Variants in CDCP1 observed in about 807,000 individuals in gnomAD.
CDCP1 encodes the protein CUB domain containing protein 1.
In CDCP1, 29 loss-of-function variants were observed where a neutral mutation model predicts 60.2. The ratio of observed to expected loss-of-function variants is 0.48; its 90% CI spans 0.36 to 0.66. The LOEUF (loss-of-function observed/expected upper bound fraction) is 0.66, where lower values mean the gene tolerates loss of function less well. Ranked by LOEUF, CDCP1 falls within the 30% of genes least tolerant of loss-of-function variation. CDCP1 has a pLI of 0.00. For missense variants in CDCP1, 876 were observed against 1,074.3 expected, an observed-to-expected ratio of 0.82 and a Z score of 2.58; for synonymous variants, 387 against 431.1, an observed-to-expected ratio of 0.90 and a Z score of 1.27.
intron 1 of CDCP1, among the ~76,000 whole-genome samples, chr3:45,119,117 A>T (rs1431611543): frequency 6.6e-6 from 1 of 152,198 alleles, no homozygotes; most frequent in Non-Finnish European, 1.5e-5. Context: ...ATACATATGT[A>T]TGTACGTATG....
chr3:45,087,515 G>A (rs1046043059), intron 8 of CDCP1, among the ~76,000 whole-genome samples: 4 of 152,130 alleles, frequency 2.6e-5, no homozygotes, highest in African/African-American at 7.2e-5. Flanking sequence ...TCCGTGCACC[G>A]CAGATGGGAA....
chr3:45,129,183 A>T (rs1426709240), intron 1 of CDCP1, among the ~76,000 whole-genome samples: 3 of 152,236 alleles, frequency 2.0e-5, no homozygotes, highest in African/African-American at 7.2e-5. Flanking sequence ...TCAAAGACAC[A>T]TGCCATATGA....
chr3:45,112,473 G>A, intron 2 of CDCP1, 28 bp from the exon 3 acceptor site: 1 of 1,598,810 alleles, frequency 6.3e-7, no homozygotes, highest in Non-Finnish European at 8.5e-7. Context: ...AAGCAATTTT[G>A]ATCACAGATG....
At chr3:45,142,125 G>A (rs564868829) in intron 1 of CDCP1, among the ~76,000 whole-genome samples, 8 of 152,142 alleles carry the variant, frequency 5.3e-5, no homozygotes, top group Admixed American at 4.6e-4. Flanking sequence ...GAGCCACTGC[G>A]CCTGGCTCGG....
chr3:45,122,410 C>T (rs1698901618), intron 1 of CDCP1, among the ~76,000 whole-genome samples: 1 of 151,816 alleles, frequency 6.6e-6, no homozygotes, highest in Non-Finnish European at 1.5e-5. Flanking sequence ...TCCCAAAGTG[C>T]TGGGATTACA....
intron 2 of CDCP1, among the ~76,000 whole-genome samples, chr3:45,116,343 A>G (rs1371953635): frequency 1.3e-5 from 2 of 151,920 alleles, no homozygotes; most frequent in East Asian, 1.9e-4. Flanking sequence ...CTGATTAGCC[A>G]GGTGGTTTAT....
rs544109946 is a variant in CDCP1, at chr3:45,102,764, G to C, written c.1025-7196C>G. On this transcript the variant is annotated intron_variant, in intron 4 of 8. Coordinates refer to ENST00000296129, the MANE Select transcript of CDCP1 (RefSeq NM_022842.5). ...CAGCCGCCGCCTCCTGGCCTCAAGC[G>C]ATTCTCCCACCTCAGCCTCCCTAGT... Among the ~76,000 whole-genome samples the C allele has an allele frequency of 3.2e-3, 490 of 152,160 alleles. 4 individuals are homozygous for C. Among genetic ancestry groups the C allele is most frequent in the Non-Finnish European group, 3.6e-3 (245 of 67,994 alleles).
chr3:45,095,808 AAC>A (rs1297593978), intron 4 of CDCP1, among the ~76,000 whole-genome samples: 1 of 152,236 alleles, frequency 6.6e-6, no homozygotes, highest in Non-Finnish European at 1.5e-5. Flanking sequence ...ATGTGGCATA[AAC>A]ACAAATTATA....
At chr3:45,115,290 C>T (rs1261931935) in intron 2 of CDCP1, among the ~76,000 whole-genome samples, 2 of 152,054 alleles carry the variant, frequency 1.3e-5, no homozygotes, top group Non-Finnish European at 2.9e-5. Context: ...TCACCTGTTC[C>T]CCTCTGCCAT....
At chr3:45,138,850 G>T (rs1159465493) in intron 1 of CDCP1, among the ~76,000 whole-genome samples, 2 of 151,040 alleles carry the variant, frequency 1.3e-5, no homozygotes, top group Non-Finnish European at 3.0e-5. Flanking sequence ...CCATCTCAAA[G>T]AAAAAAAAGA....
At chr3:45,102,631 CCT>C (rs1698498895) in intron 4 of CDCP1, among the ~76,000 whole-genome samples, 1 of 148,762 alleles carries the variant, frequency 6.7e-6, no homozygotes, top group African/African-American at 2.5e-5. Context: ...ATGGTGAAAC[CCT>C]GTTTCTACTA....
Position 45,146,260 on chromosome 3 carries a change from T to C in CDCP1, c.28A>G (p.Ile10Val), listed in dbSNP as rs138685190. The change falls in exon 1 of 9, where the codon ATC (isoleucine) becomes GTC (valine). Residue 10 changes from isoleucine (I) to valine (V), a missense_variant. Coordinates refer to ENST00000296129, the MANE Select transcript of CDCP1 (RefSeq NM_022842.5). ...AGCAGCAGAACCCCTAGCAGTGCGA[T>C]AGAGACCCCGCAGTTCAGGCCGGCC... is the stretch of plus-strand genomic sequence containing the variant. MAGLNCGVS[I>V]ALLGVLLLGA... is the part of the protein sequence containing the mutation. 1.3e-6 allele frequency: 2 copies of C among 1,591,984 alleles called. No homozygotes were observed. Among genetic ancestry groups the C allele is most frequent in the Admixed American group, 1.7e-5 (1 of 58,136 alleles).
rs1698673334 is a variant in CDCP1, at chr3:45,110,656, C to T, written c.841G>A (p.Val281Ile). ...GTGGAGCCCGGGATGTAGTATTCAA[C>T]CCGCTCCTCCTTCCTCTCACAGTTG... ...LSNCERKEER[V>I]EYYIPGSTTN... Residue 281 changes from valine (V) to isoleucine (I), a missense_variant, in exon 4 of 9, where the codon GTT (valine) becomes ATT (isoleucine). Around this residue, in one of 2 missense-constraint regions of CDCP1, gnomAD observed 726 missense variants for 935.7 expected, o/e 0.78. Coordinates refer to ENST00000296129, the MANE Select transcript of CDCP1 (RefSeq NM_022842.5). 1 of 1,614,044 alleles carries T rather than the reference C, an allele frequency of 6.2e-7. No individual in the cohort carries two copies. The highest frequency in any genetic ancestry group is 1.1e-5 in the South Asian group (1 of 91,090).
intron 1 of CDCP1, among the ~76,000 whole-genome samples, chr3:45,123,845 G>C (rs1019080611): frequency 4.6e-5 from 7 of 152,188 alleles, no homozygotes; most frequent in Non-Finnish European, 1.0e-4. Flanking sequence ...GAGAAACTTA[G>C]AAATGCTCCA....
intron 4 of CDCP1, among the ~76,000 whole-genome samples, chr3:45,105,901 G>C (rs1481947984): frequency 6.6e-5 from 10 of 152,174 alleles, no homozygotes; most frequent in Non-Finnish European, 1.5e-4. Flanking sequence ...AGATTTGTGT[G>C]GTAGAGGTGA....
intron 8 of CDCP1, 56 bp downstream of exon 8, chr3:45,088,998 C>G (rs371823893): frequency 7.6e-7 from 1 of 1,322,284 alleles, no homozygotes; most frequent in African/African-American, 1.4e-5. Flanking sequence ...TCCACCCAGT[C>G]TGTGTGATCT....
At chr3:45,111,980 A>G in intron 3 of CDCP1, 103 bp downstream of exon 3, 1 of 1,398,326 alleles carries the variant, frequency 7.2e-7, no homozygotes, top group Non-Finnish European at 9.6e-7. Context: ...TGGTTTTTAT[A>G]TTGAGTATTA....
chr3:45,107,409 T>C (rs572904252), intron 4 of CDCP1, among the ~76,000 whole-genome samples: 2 of 152,194 alleles, frequency 1.3e-5, no homozygotes, highest in African/African-American at 4.8e-5. Flanking sequence ...GGTTTCACCA[T>C]ATTGGCCAGG....
At chr3:45,096,591 C>A (rs913541854) in intron 4 of CDCP1, among the ~76,000 whole-genome samples, 1 of 137,856 alleles carries the variant, frequency 7.3e-6, no homozygotes, top group Non-Finnish European at 1.5e-5. Flanking sequence ...TACCACTGCA[C>A]CCTAGCCTAG....
Sources: gnomAD v4.1 joint callset for allele counts (sites outside exome capture counted in the v4.1 genomes callset) on GRCh38, gnomAD v4.1.1 for gene constraint, gnomAD v4.1.1 regional missense constraint, MANE v1.5 for transcripts, NCBI Gene and HGNC (gene_info 2026-07-23, HGNC 2026-07-21) for gene names.